Variants in UBXN7 observed in about 807,000 individuals in gnomAD.
The protein encoded by UBXN7 is UBX domain protein 7.
In UBXN7, 9 loss-of-function variants were observed where a neutral mutation model predicts 58.0. The observed-to-expected ratio is 0.16, with a 90% CI of 0.09 to 0.27. The LOEUF (loss-of-function observed/expected upper bound fraction) is 0.27. Among genes scored for constraint, UBXN7 ranks in the 10% least tolerant of loss-of-function variants. The pLI, the probability that UBXN7 is intolerant of heterozygous loss-of-function variation, is 1.00. For missense variants in UBXN7, 328 were observed against 599.6 expected, an observed-to-expected ratio of 0.55 and a Z score of 4.73; for synonymous variants, 208 against 205.0, an observed-to-expected ratio of 1.01 and a Z score of -0.12.
At chr3:196,394,337 C>A (rs1729697908) in intron 3 of UBXN7, among the ~76,000 whole-genome samples, 1 of 142,138 alleles carries the variant, frequency 7.0e-6, no homozygotes, top group African/African-American at 2.6e-5. Flanking sequence ...CTGTAGCTCA[C>A]ACCTCCTGTA....
chr3:196,393,782 A>G (rs1005557042), intron 3 of UBXN7, 163 bp from the exon 4 acceptor site: 9 of 538,392 alleles, frequency 1.7e-5, no homozygotes, highest in Admixed American at 6.7e-5. Flanking sequence ...TCTCGTTCCA[A>G]TTTTAGTAAA....
At chr3:196,388,801 G>C (rs1170466148) in intron 5 of UBXN7, among the ~76,000 whole-genome samples, 1 of 151,912 alleles carries the variant, frequency 6.6e-6, no homozygotes. Flanking sequence ...AATTTTGCTT[G>C]TTATCTCCCT....
intron 1 of UBXN7, among the ~76,000 whole-genome samples, chr3:196,418,362 G>C (rs959319723): frequency 7.9e-5 from 12 of 152,160 alleles, no homozygotes; most frequent in Non-Finnish European, 1.5e-4. Context: ...TGACATGGAA[G>C]TATAAAGTGT....
chr3:196,427,483 A>G (rs1303942266), intron 1 of UBXN7, among the ~76,000 whole-genome samples: 1 of 152,006 alleles, frequency 6.6e-6, no homozygotes, highest in African/African-American at 2.4e-5. Context: ...ATGCTCAGCT[A>G]ATTTTTGTAT....
intron 1 of UBXN7, among the ~76,000 whole-genome samples, chr3:196,430,828 T>C (rs779884662): frequency 1.1e-4 from 17 of 152,236 alleles, no homozygotes; most frequent in Non-Finnish European, 2.1e-4. Flanking sequence ...ATCTTCTCCA[T>C]AGCAATGATT....
chr3:196,396,737 T>C (rs1238418022), intron 3 of UBXN7, among the ~76,000 whole-genome samples: 1 of 152,114 alleles, frequency 6.6e-6, no homozygotes, highest in Non-Finnish European at 1.5e-5. Context: ...CACTCCAGCC[T>C]GGGCCACAGA....
In UBXN7 at chr3:196,376,862, G is replaced by A. The variant is rs986505114; in HGVS notation, c.469-4820C>T. Among the ~76,000 whole-genome samples the A allele has an allele frequency of 2.6e-5, 4 of 151,780 alleles. 1 individual carries two copies. The highest frequency in any genetic ancestry group is 4.8e-5 in the African/African-American group (2 of 41,412). Reference sequence around the variant, plus strand: ...GGAGTTCAAGACCAACCTGGGCAACGTGGCAAAACCTCATCTCTACAAAAA... The same window carrying A: ...GGAGTTCAAGACCAACCTGGGCAACATGGCAAAACCTCATCTCTACAAAAA... On this transcript the variant is annotated intron_variant, in intron 5 of 10. Coordinates refer to ENST00000296328, the MANE Select transcript of UBXN7 (RefSeq NM_015562.2).
chr3:196,370,127 CAA>C (rs368855542), intron 6 of UBXN7, among the ~76,000 whole-genome samples: 123 of 73,386 alleles, frequency 1.7e-3, no homozygotes, highest in Admixed American at 7.8e-3. Flanking sequence ...AGACTTGTCT[CAA>C]AAAAAAAAAA....
At chr3:196,369,902 G>A (rs1327307269) in intron 6 of UBXN7, among the ~76,000 whole-genome samples, 2 of 152,220 alleles carry the variant, frequency 1.3e-5, no homozygotes, top group East Asian at 1.9e-4. Flanking sequence ...GGAGGCCGAG[G>A]CGAGTGGATC....
intron 5 of UBXN7, among the ~76,000 whole-genome samples, chr3:196,374,524 C>G (rs529814637): frequency 7.2e-5 from 11 of 151,784 alleles, no homozygotes; most frequent in Non-Finnish European, 1.5e-4. Context: ...ATTGTTACTG[C>G]TAAAAGGAAG....
intron 5 of UBXN7, among the ~76,000 whole-genome samples, chr3:196,373,492 G>T (rs2108834417): frequency 6.6e-6 from 1 of 152,270 alleles, no homozygotes; most frequent in Non-Finnish European, 1.5e-5. Context: ...CACAGTTTTG[G>T]AATAAATTTA....
chr3:196,382,870 C>T (rs1729248748), intron 5 of UBXN7, among the ~76,000 whole-genome samples: 1 of 152,180 alleles, frequency 6.6e-6, no homozygotes, highest in Non-Finnish European at 1.5e-5. Context: ...AATCCCAGCA[C>T]TTTGGGAGGC....
intron 1 of UBXN7, among the ~76,000 whole-genome samples, chr3:196,431,085 T>C (rs965606568): frequency 3.3e-5 from 5 of 152,194 alleles, no homozygotes; most frequent in Non-Finnish European, 5.9e-5. Flanking sequence ...TATAAAACGG[T>C]AACTAGTATA....
intron 1 of UBXN7, among the ~76,000 whole-genome samples, chr3:196,409,054 C>A (rs1423370704): frequency 6.6e-6 from 1 of 152,140 alleles, no homozygotes; most frequent in Non-Finnish European, 1.5e-5. Context: ...TTCACTCTAA[C>A]CCTTATGTCT....
At chr3:196,363,247 CATAAATAT>C (rs1274972513) in intron 8 of UBXN7, among the ~76,000 whole-genome samples, 62 of 78,506 alleles carry the variant, frequency 7.9e-4, no homozygotes, top group African/African-American at 2.4e-3. Flanking sequence ...TACATACATA[CATAAATAT>C]ATATATACAC....
At chr3:196,372,252 T>A (rs932679768) in intron 5 of UBXN7, among the ~76,000 whole-genome samples, 1 of 151,968 alleles carries the variant, frequency 6.6e-6, no homozygotes. Context: ...TGCTCAAATT[T>A]AAATGAACTC....
At chr3:196,372,952 T>C (rs961437577) in intron 5 of UBXN7, among the ~76,000 whole-genome samples, 3 of 152,156 alleles carry the variant, frequency 2.0e-5, no homozygotes, top group Non-Finnish European at 4.4e-5. Context: ...GGTTTCACCA[T>C]GTTGGCCAGG....
At chr3:196,372,749 A>ATTT (rs34621274) in intron 5 of UBXN7, among the ~76,000 whole-genome samples, 1 of 144,918 alleles carries the variant, frequency 6.9e-6, no homozygotes, top group Non-Finnish European at 1.5e-5. Flanking sequence ...TCCATCAACA[A>ATTT]TTTTTTTTTT....
chr3:196,407,269 G>A lies in UBXN7; in HGVS notation c.198C>T (p.Val66=). The A allele has an allele frequency of 6.2e-7, 1 of 1,614,134 alleles. No homozygotes were observed. The highest frequency in any genetic ancestry group is 8.5e-7 in the Non-Finnish European group (1 of 1,180,030). Residue 66 remains valine, a synonymous_variant, in exon 2 of 11, where the codon GTC becomes GTT. Transcript: ENST00000296328. ...ACTCTGTGTGTGGTCTGACAGTAGAGACACTTGCTGAACTGGTACTGGGCT... is the reference window on the plus strand; with the variant it reads ...ACTCTGTGTGTGGTCTGACAGTAGAAACACTTGCTGAACTGGTACTGGGCT... ...AEEPSTSSAS[V]STVRPHTEEE...
Sources: allele counts gnomAD v4.1 joint callset (sites outside exome capture counted in the v4.1 genomes callset), GRCh38; gene constraint gnomAD v4.1.1; transcripts MANE v1.5; gene names NCBI Gene and HGNC (gene_info 2026-07-23, HGNC 2026-07-21).